VPS13A: variants seen among roughly 807,000 people sequenced by gnomAD.
VPS13A encodes the protein intermembrane lipid transfer protein VPS13A.
A neutral mutation model predicts 390.9 loss-of-function variants in VPS13A; 264 were observed. The observed-to-expected ratio is 0.68, with a 90% CI of 0.61 to 0.75. The LOEUF (loss-of-function observed/expected upper bound fraction) is 0.75. Ranked by LOEUF, VPS13A falls within the 30% of genes least tolerant of loss-of-function variation. VPS13A has a pLI of 0.00. For synonymous variants in VPS13A, 1,231 were observed against 1,227.1 expected, an observed-to-expected ratio of 1.00 and a Z score of -0.07; for missense variants, 3,409 against 3,733.9, an observed-to-expected ratio of 0.91 and a Z score of 2.27.
chr9:77,286,966 A>T (rs1418419269), intron 31 of VPS13A, among the ~76,000 whole-genome samples: 2 of 152,114 alleles, frequency 1.3e-5, no homozygotes, highest in East Asian at 1.9e-4. Flanking sequence ...CCTAGACCAC[A>T]GCCTTTCTGC....
chr9:77,198,277 CACTA>C (rs1401721031), intron 1 of VPS13A, among the ~76,000 whole-genome samples: 3 of 152,116 alleles, frequency 2.0e-5, no homozygotes, highest in Non-Finnish European at 4.4e-5. Flanking sequence ...CCATCTGCCT[CACTA>C]ACTCTTTTTT....
At chr9:77,399,181 T>A (rs201763338) in intron 68 of VPS13A, among the ~76,000 whole-genome samples, 1,155 of 34,074 alleles carry the variant, frequency 0.034, 8 homozygotes, top group African/African-American at 0.048. Context: ...AAAAAAAAAA[T>A]AAAAAAAAAA....
Position 77,384,831 on chromosome 9 carries a change from TTGTATTATTTAAGCACAG to T in VPS13A, c.9189+2745_9189+2762del, listed in dbSNP as rs1833614612. 6.8e-6 allele frequency: 10 copies of T among 1,465,778 alleles called. No individual in the cohort carries two copies. In the South Asian group the frequency reaches 1.4e-4, roughly 21 times the overall value. The allele number at this position is 1,465,778 out of a possible 1,614,324, so 90.8% of individuals were successfully genotyped here. A position where few individuals can be genotyped will look rare whatever the true frequency, so the allele number is the denominator to read the frequency against. On this transcript the variant is annotated intron_variant, in intron 68 of 71. Coordinates refer to ENST00000360280, the MANE Select transcript of VPS13A (RefSeq NM_033305.3). ...TACACATTTTCATAAAGCAAAATAA[TTGTATTATTTAAGCACAG>T]AAAAAAATGTATCTTACATCCAAAG...
chr9:77,320,072 A>G (rs1213657110), intron 42 of VPS13A, among the ~76,000 whole-genome samples: 3 of 150,290 alleles, frequency 2.0e-5, no homozygotes, highest in African/African-American at 7.3e-5. Context: ...TACATAATTT[A>G]GAACAATTTA....
chr9:77,407,609 T>C lies in VPS13A; in HGVS notation c.9474+2T>C. On this transcript the variant is annotated splice_donor_variant, in intron 71 of 71. Transcript: ENST00000360280. LOFTEE classifies it high-confidence loss of function. ...TTCAAGACCCCAGAGGATGCCAGGG[T>C]AAATATAATAAATCTTTTATTTAAA... 6.2e-7 allele frequency: 1 copy of C among 1,602,904 alleles called. No homozygotes were observed. The highest frequency in any genetic ancestry group is 8.5e-7 in the Non-Finnish European group (1 of 1,170,262).
chr9:77,302,516 G>A (rs1169193479), intron 33 of VPS13A, among the ~76,000 whole-genome samples: 1 of 150,986 alleles, frequency 6.6e-6, no homozygotes, highest in African/African-American at 2.4e-5. Context: ...GGGACTACAG[G>A]CGCATGCCAC....
chr9:77,285,180 G>A (rs969067494), intron 31 of VPS13A, among the ~76,000 whole-genome samples: 1 of 151,836 alleles, frequency 6.6e-6, no homozygotes, highest in African/African-American at 2.4e-5. Flanking sequence ...AACTTTCCAC[G>A]TGTCAAAGAA....
At chr9:77,355,391 A>C (rs558173705) in intron 54 of VPS13A, among the ~76,000 whole-genome samples, 11 of 152,134 alleles carry the variant, frequency 7.2e-5, no homozygotes. Flanking sequence ...TTTTCTTCCT[A>C]TCCAGTCTCA....
intron 39 of VPS13A, 31 bp downstream of exon 39, chr9:77,316,437 T>C (rs1258566877): frequency 6.3e-7 from 1 of 1,586,454 alleles, no homozygotes; most frequent in Non-Finnish European, 8.7e-7. Context: ...TCTGCTTAAT[T>C]GTAACTATTT....
At chr9:77,298,424 G>A (rs1441366355) in intron 33 of VPS13A, among the ~76,000 whole-genome samples, 1 of 152,192 alleles carries the variant, frequency 6.6e-6, no homozygotes, top group Non-Finnish European at 1.5e-5. Flanking sequence ...ACCCTCAAAA[G>A]AGACGAAGTA....
At chr9:77,352,568 A>G (rs1831530215) in intron 53 of VPS13A, among the ~76,000 whole-genome samples, 1 of 152,184 alleles carries the variant, frequency 6.6e-6, no homozygotes, top group Admixed American at 6.5e-5. Context: ...AGTACTTTGC[A>G]TATTTATATC....
intron 25 of VPS13A, 139 bp from the exon 26 acceptor site, chr9:77,275,926 T>C: frequency 1.1e-6 from 1 of 915,264 alleles, no homozygotes; most frequent in Non-Finnish European, 1.7e-6. Flanking sequence ...TATGTCTGTG[T>C]GGGTATAAAA....
chr9:77,391,368 AT>A (rs1833889451), intron 68 of VPS13A, among the ~76,000 whole-genome samples: 2 of 152,222 alleles, frequency 1.3e-5, no homozygotes, highest in Non-Finnish European at 2.9e-5. Flanking sequence ...GAAAGGATAC[AT>A]TCACTTGCCG....
At chr9:77,315,989 C>A (rs930930913) in intron 38 of VPS13A, among the ~76,000 whole-genome samples, 185 bp from the exon 39 acceptor site, 5 of 151,888 alleles carry the variant, frequency 3.3e-5, no homozygotes, top group Non-Finnish European at 7.4e-5. Context: ...GATTTCCCCT[C>A]ATTTAAAAAT....
chr9:77,219,647 T>G (rs1823073367), intron 10 of VPS13A, among the ~76,000 whole-genome samples: 1 of 152,154 alleles, frequency 6.6e-6, no homozygotes, highest in South Asian at 2.1e-4. Context: ...GTACTTGTAT[T>G]AAAACTATTT....
chr9:77,344,070 A>G lies in VPS13A; in HGVS notation c.7027-83A>G, dbSNP rs1400277471. On this transcript the variant is annotated intron_variant, in intron 50 of 71. Coordinates refer to ENST00000360280, the MANE Select transcript of VPS13A (RefSeq NM_033305.3). ...ACAGGTTTTTTTATAGTTTAAGTCT[A>G]TTCTGATGGGAATATTAAGATGATT... 9 of 1,296,948 alleles carry G rather than the reference A, an allele frequency of 6.9e-6. No individual in the cohort carries two copies. The East Asian group carries it at 2.1e-4, about 30-fold the overall frequency. The allele number at this position is 1,296,948 out of a possible 1,614,324, so 80.3% of individuals were successfully genotyped here. A position where few individuals can be genotyped will look rare whatever the true frequency, so the allele number is the denominator to read the frequency against.
chr9:77,403,218 C>T lies in VPS13A; in HGVS notation c.9190-18C>T. 1 of 1,581,680 alleles carries T rather than the reference C, an allele frequency of 6.3e-7. No individual in the cohort carries two copies. The highest frequency in any genetic ancestry group is 1.7e-5 in the Admixed American group (1 of 59,878). ...AATACTATCAATTTTCTCATTGTCTCTCACTTTTTTCTTTTAGGTCATGGA... is the reference window on the plus strand; with the variant it reads ...AATACTATCAATTTTCTCATTGTCTTTCACTTTTTTCTTTTAGGTCATGGA... On this transcript the variant is annotated intron_variant, in intron 68 of 71. Coordinates refer to ENST00000360280, the MANE Select transcript of VPS13A (RefSeq NM_033305.3).
chr9:77,178,689 A>G (rs1481553153), intron 1 of VPS13A, among the ~76,000 whole-genome samples: 1 of 152,224 alleles, frequency 6.6e-6, no homozygotes, highest in Non-Finnish European at 1.5e-5. Flanking sequence ...TGAGAGCCTC[A>G]TTTTTAGTGT....
chr9:77,325,944 A>G (rs1242428303), intron 45 of VPS13A, among the ~76,000 whole-genome samples: 2 of 152,102 alleles, frequency 1.3e-5, no homozygotes, highest in African/African-American at 4.8e-5. Context: ...TTCTTCTTTC[A>G]GTAATCTCAC....
Sources: gnomAD v4.1 joint callset for allele counts (sites outside exome capture counted in the v4.1 genomes callset) on GRCh38, gnomAD v4.1.1 for gene constraint, MANE v1.5 for transcripts, NCBI Gene and HGNC (gene_info 2026-07-23, HGNC 2026-07-21) for gene names.